Variants in KCNH1 observed in about 807,000 individuals in gnomAD.
The protein encoded by KCNH1 is voltage-gated delayed rectifier potassium channel KCNH1.
KCNH1 carries 27 observed loss-of-function variants against 69.2 expected under a neutral mutation model. The ratio of observed to expected loss-of-function variants is 0.39; its 90% CI spans 0.29 to 0.54. The LOEUF (loss-of-function observed/expected upper bound fraction) is 0.54. Among genes scored for constraint, KCNH1 ranks in the 20% least tolerant of loss-of-function variants. KCNH1 has a pLI of 0.68. For missense variants in KCNH1, 798 were observed against 1,261.6 expected (o/e 0.63, Z 5.57); for synonymous variants, 456 against 487.7 (o/e 0.93, Z 0.86).
intron 7 of KCNH1, among the ~76,000 whole-genome samples, chr1:210,850,137 G>C (rs1177689003): frequency 6.6e-6 from 1 of 152,070 alleles, no homozygotes; most frequent in African/African-American, 2.4e-5. Flanking sequence ...TAAGTGCAAG[G>C]CTCATACATG....
At chr1:211,115,023 C>T (rs905577577) in intron 1 of KCNH1, among the ~76,000 whole-genome samples, 1 of 151,842 alleles carries the variant, frequency 6.6e-6, no homozygotes, top group Non-Finnish European at 1.5e-5. Flanking sequence ...GGCTAGAGTG[C>T]AGTGGTGCAA....
At chr1:210,709,598 T>C (rs1682002318) in intron 10 of KCNH1, among the ~76,000 whole-genome samples, 1 of 152,126 alleles carries the variant, frequency 6.6e-6, no homozygotes. Context: ...GTCAGACCCA[T>C]AATTCTATTA....
intron 10 of KCNH1, among the ~76,000 whole-genome samples, chr1:210,685,155 C>A (rs1038118092): frequency 2.6e-5 from 4 of 152,242 alleles, no homozygotes; most frequent in African/African-American, 9.6e-5. Context: ...GGGTCAGCAT[C>A]TGACTATGGG....
chr1:210,895,910 C>T (rs1021783807), intron 7 of KCNH1, among the ~76,000 whole-genome samples: 1 of 152,118 alleles, frequency 6.6e-6, no homozygotes, highest in African/African-American at 2.4e-5. Context: ...CTGAGATTAA[C>T]ACAGACAGAT....
intron 10 of KCNH1, among the ~76,000 whole-genome samples, chr1:210,726,816 T>TGG (rs111681585): frequency 0.072 from 10,179 of 140,568 alleles, 371 homozygotes; most frequent in African/African-American, 0.11. Context: ...CCGGCGGGGG[T>TGG]GGGGTGGACT....
chr1:211,112,857 G>A (rs569984023), intron 1 of KCNH1, among the ~76,000 whole-genome samples: 7 of 152,270 alleles, frequency 4.6e-5, no homozygotes, highest in Middle Eastern at 3.4e-3. Flanking sequence ...TTCCTAGCAC[G>A]CACGTTCTCT....
At position 210,972,699 on chromosome 1, in the gene KCNH1, T is replaced by A. The variant is rs574310414; in HGVS notation, c.1032+46084A>T. ...CACAATGAAATCATGCCTGCTTCAC[T>A]GGAAAAAGTCTATATCTACTGGTTA... On this transcript the variant is annotated intron_variant, in intron 6 of 10. Coordinates refer to ENST00000271751, the MANE Select transcript of KCNH1 (RefSeq NM_172362.3). Among the ~76,000 whole-genome samples, 4 of 152,220 alleles carry A rather than the reference T, an allele frequency of 2.6e-5. No individual in the cohort carries two copies. In the South Asian group the frequency reaches 8.3e-4, roughly 32 times the overall value.
chr1:210,690,147 A>G (rs1681497714), intron 10 of KCNH1, among the ~76,000 whole-genome samples: 1 of 152,192 alleles, frequency 6.6e-6, no homozygotes, highest in Non-Finnish European at 1.5e-5. Flanking sequence ...AAGGATGACT[A>G]AGAGGAAACG....
Position 211,009,426 on chromosome 1 carries a change from T to C in KCNH1, c.1032+9357A>G, listed in dbSNP as rs546435657. On this transcript the variant is annotated intron_variant, in intron 6 of 10. Coordinates refer to ENST00000271751, the MANE Select transcript of KCNH1 (RefSeq NM_172362.3). ...CAGCTGGGGTATGTGGAGAGAGCTT[T>C]ATAAAGAAGGGAAATATTCCTTGAT... 3.3e-5 allele frequency among the ~76,000 whole-genome samples: 5 copies of C among 152,112 alleles called. No homozygotes were observed. In the East Asian group the frequency reaches 9.7e-4, roughly 29 times the overall value.
chr1:210,889,162 A>G (rs909697113), intron 7 of KCNH1, among the ~76,000 whole-genome samples: 6 of 152,230 alleles, frequency 3.9e-5, no homozygotes, highest in African/African-American at 1.4e-4. Flanking sequence ...TCAGTAAAAT[A>G]CTGGCAAACT....
chr1:211,095,267 A>T (rs972710103), intron 3 of KCNH1, among the ~76,000 whole-genome samples: 4 of 152,036 alleles, frequency 2.6e-5, no homozygotes, highest in Non-Finnish European at 5.9e-5. Context: ...TGCAAAAAGG[A>T]CAACGGGTCA....
chr1:210,767,903 T>C (rs1683670325), intron 10 of KCNH1, among the ~76,000 whole-genome samples: 1 of 152,196 alleles, frequency 6.6e-6, no homozygotes, highest in Non-Finnish European at 1.5e-5. Flanking sequence ...ACTTTCCTCC[T>C]CCTTCCTCTC....
intron 6 of KCNH1, among the ~76,000 whole-genome samples, chr1:210,974,787 C>A (rs2102370836): frequency 6.6e-6 from 1 of 152,148 alleles, no homozygotes; most frequent in South Asian, 2.1e-4. Flanking sequence ...TGGTCTTGAT[C>A]TCCTGACCTC....
At chr1:210,793,559 C>A (rs1684250909) in intron 9 of KCNH1, among the ~76,000 whole-genome samples, 2 of 152,208 alleles carry the variant, frequency 1.3e-5, no homozygotes, top group Admixed American at 1.3e-4. Context: ...TAAACACACT[C>A]AGTTATGAGT....
intron 10 of KCNH1, among the ~76,000 whole-genome samples, chr1:210,692,256 T>C (rs1050661834): frequency 6.6e-6 from 1 of 152,190 alleles, no homozygotes; most frequent in South Asian, 2.1e-4. Flanking sequence ...ATATCTACTT[T>C]TGACAGACCA....
At position 210,683,775 on chromosome 1, in the gene KCNH1, C is replaced by A. The variant is rs541664168; in HGVS notation, c.2476G>T (p.Gly826Trp). 2 of 1,613,870 alleles carry A rather than the reference C, an allele frequency of 1.2e-6. No individual in the cohort carries two copies. The highest frequency in any genetic ancestry group is 2.7e-5 in the African/African-American group (2 of 75,064). Residue 826 changes from glycine (G) to tryptophan (W), a missense_variant, in exon 11 of 11, where the codon GGG becomes TGG. By Grantham distance (184) the Gly-to-Trp change is radical (BLOSUM62 -2). Around this residue, in one of 4 missense-constraint regions of KCNH1, gnomAD observed 331 missense variants for 363.2 expected, o/e 0.91. Coordinates refer to ENST00000271751, the MANE Select transcript of KCNH1 (RefSeq NM_172362.3). The surrounding 1 kb of genome is among the most constrained non-coding windows in gnomAD (Gnocchi z 5.7). Reference protein sequence around the residue: ...APGSECLGPKGGGGDCAKRKS... With the variant: ...APGSECLGPKWGGGDCAKRKS... ...CGCTTGGCACAATCGCCCCCGCCCC[C>A]CTTGGGGCCCAGGCACTCGGACCCT...
chr1:210,698,607 C>T (rs1027911687), intron 10 of KCNH1, among the ~76,000 whole-genome samples: 5 of 152,220 alleles, frequency 3.3e-5, no homozygotes, highest in Admixed American at 6.5e-5. Flanking sequence ...ACCAGAATCA[C>T]GGAGGGGAGG....
At chr1:210,741,087 G>T (rs773725784) in intron 10 of KCNH1, among the ~76,000 whole-genome samples, 1 of 152,140 alleles carries the variant, frequency 6.6e-6, no homozygotes, top group Non-Finnish European at 1.5e-5. Flanking sequence ...CATTTAAATT[G>T]GTCCACTGCA....
At chr1:210,750,160 CCA>C (rs966918452) in intron 10 of KCNH1, among the ~76,000 whole-genome samples, 3 of 152,164 alleles carry the variant, frequency 2.0e-5, no homozygotes, top group African/African-American at 7.2e-5. Context: ...CTCCCACATA[CCA>C]CAGTTTGCTC....
Sources: gnomAD v4.1 joint callset for allele counts (sites outside exome capture counted in the v4.1 genomes callset) on GRCh38, gnomAD v4.1.1 for gene constraint, gnomAD v4.1.1 regional missense constraint, Gnocchi (gnomAD v3.1) non-coding constraint, MANE v1.5 for transcripts, NCBI Gene and HGNC (gene_info 2026-07-23, HGNC 2026-07-21) for gene names.